The following RBM33 variants were observed in gnomAD, a reference collection of about 807,000 sequenced individuals.
RBM33 encodes the protein RNA binding motif protein 33, also known as RNA-binding protein 33.
Under a neutral mutation model 132.6 loss-of-function variants are expected in RBM33, and 28 were observed. That is an observed-to-expected ratio of 0.21 (90% CI 0.16 to 0.29). RBM33 has a LOEUF of 0.29. Ranked by LOEUF, RBM33 falls within the 10% of genes least tolerant of loss-of-function variation. The pLI is 1.00. For synonymous variants in RBM33, 634 were observed against 593.0 expected, an observed-to-expected ratio of 1.07 and a Z score of -1.01; for missense variants, 1,291 against 1,518.5, an observed-to-expected ratio of 0.85 and a Z score of 2.49.
chr7:155,731,767 A>G (rs1181080231), intron 9 of RBM33, among the ~76,000 whole-genome samples: 1 of 152,238 alleles, frequency 6.6e-6, no homozygotes, highest in Admixed American at 6.5e-5. Context: ...GAAACTGTGG[A>G]TAAGTGAGGA....
intron 5 of RBM33, among the ~76,000 whole-genome samples, chr7:155,692,394 C>T (rs1312331866): frequency 1.3e-5 from 2 of 152,120 alleles, no homozygotes; most frequent in Admixed American, 6.5e-5. Context: ...TCCTTTGTTC[C>T]GGAATATCTT....
intron 5 of RBM33, among the ~76,000 whole-genome samples, chr7:155,694,618 T>C (rs954132745): frequency 5.9e-5 from 9 of 152,222 alleles, no homozygotes; most frequent in African/African-American, 2.2e-4. Flanking sequence ...TAAAGCGTTC[T>C]TATTTCTATA....
chr7:155,667,159 T>C lies in RBM33; in HGVS notation c.122+1906T>C, dbSNP rs75214943. On this transcript the variant is annotated intron_variant, in intron 2 of 17. Coordinates refer to ENST00000401878, the MANE Select transcript of RBM33 (RefSeq NM_053043.3). Reference sequence around the variant, plus strand: ...CCGAATGCTTCAGTATTGTTTAGCATGTATTTCCCGCAAAACAGGAACTTT... The same window carrying C: ...CCGAATGCTTCAGTATTGTTTAGCACGTATTTCCCGCAAAACAGGAACTTT... Among the ~76,000 whole-genome samples the C allele has an allele frequency of 6.5e-3, 993 of 152,312 alleles. 33 individuals are homozygous for C. In the East Asian group the frequency reaches 0.097, roughly 15 times the overall value.
At chr7:155,694,120 T>C (rs747419561) in intron 5 of RBM33, among the ~76,000 whole-genome samples, 3 of 152,206 alleles carry the variant, frequency 2.0e-5, no homozygotes, top group Non-Finnish European at 2.9e-5. Context: ...AGGAGCTCTG[T>C]TAAGGTCTAT....
intron 9 of RBM33, among the ~76,000 whole-genome samples, chr7:155,737,195 G>C (rs1401326788): frequency 6.6e-6 from 1 of 152,182 alleles, no homozygotes; most frequent in Non-Finnish European, 1.5e-5. Flanking sequence ...GGAGCTACTA[G>C]TGTGTACTAT....
chr7:155,731,139 G>A (rs1372448932), intron 9 of RBM33, among the ~76,000 whole-genome samples: 1 of 152,156 alleles, frequency 6.6e-6, no homozygotes, highest in Non-Finnish European at 1.5e-5. Context: ...GTGGAGTGGA[G>A]GCCAGTCTAC....
Position 155,700,898 on chromosome 7 carries a change from G to A in RBM33, c.693G>A (p.Arg231=). The change falls in exon 6 of 18, where the codon AGG becomes AGA. Residue 231 remains arginine, a synonymous_variant. Coordinates refer to ENST00000401878, the MANE Select transcript of RBM33 (RefSeq NM_053043.3). ...KTERKEGTII[R]LSDVTRERRN... is the part of the protein sequence containing the mutation. ...AAAGGAAAGAAGGAACAATTATTAGGCTCTCAGATGTAACTAGAGAGAGAA... is the reference window on the plus strand; with the variant it reads ...AAAGGAAAGAAGGAACAATTATTAGACTCTCAGATGTAACTAGAGAGAGAA... The A allele has an allele frequency of 3.1e-6, 5 of 1,613,010 alleles. No homozygotes were observed. The highest frequency in any genetic ancestry group is 4.2e-6 in the Non-Finnish European group (5 of 1,179,472).
chr7:155,742,741 A>G (rs1801390859), intron 13 of RBM33, among the ~76,000 whole-genome samples: 1 of 152,246 alleles, frequency 6.6e-6, no homozygotes, highest in Non-Finnish European at 1.5e-5. Flanking sequence ...CAGTAGGCAC[A>G]GAATGTAGTG....
chr7:155,652,617 G>C (rs1265811100), intron 1 of RBM33, among the ~76,000 whole-genome samples: 2 of 152,188 alleles, frequency 1.3e-5, no homozygotes, highest in Admixed American at 1.3e-4. Context: ...TAGAAATCTA[G>C]TAGATATCTT....
chr7:155,689,229 A>G (rs1056787938), intron 5 of RBM33, among the ~76,000 whole-genome samples: 2 of 152,096 alleles, frequency 1.3e-5, no homozygotes, highest in African/African-American at 4.8e-5. Flanking sequence ...GAATTTATCC[A>G]TTTCTTCTAG....
At position 155,649,148 on chromosome 7, in the gene RBM33, A is replaced by G. The variant is rs185551075; in HGVS notation, c.43+4229A>G. Reference sequence around the variant, plus strand: ...AATGCATAGATTGGTACTTTTAATGATGTCCCCGTTTTTTAAGGCTCTGCT... The same window carrying G: ...AATGCATAGATTGGTACTTTTAATGGTGTCCCCGTTTTTTAAGGCTCTGCT... On this transcript the variant is annotated intron_variant, in intron 1 of 17. Transcript: ENST00000401878. Among the ~76,000 whole-genome samples, 500 of 152,100 alleles carry G rather than the reference A, an allele frequency of 3.3e-3. 1 individual carries two copies. The highest frequency in any genetic ancestry group is 5.0e-3 in the Non-Finnish European group (337 of 67,982).
chr7:155,693,110 A>G (rs1011496765), intron 5 of RBM33, among the ~76,000 whole-genome samples: 3 of 152,338 alleles, frequency 2.0e-5, no homozygotes, highest in East Asian at 1.9e-4. Flanking sequence ...GTAGTTACAG[A>G]TGGAAATGGT....
intron 3 of RBM33, among the ~76,000 whole-genome samples, chr7:155,675,015 C>G (rs1799137544): frequency 6.6e-6 from 1 of 152,058 alleles, no homozygotes; most frequent in African/African-American, 2.4e-5. Flanking sequence ...TTAAATATGA[C>G]CAAAATATAG....
At chr7:155,707,599 G>A (rs1448623803) in intron 7 of RBM33, among the ~76,000 whole-genome samples, 4 of 151,930 alleles carry the variant, frequency 2.6e-5, no homozygotes, top group African/African-American at 4.8e-5. Flanking sequence ...TTAGAATTTC[G>A]TTTGTATTTC....
chr7:155,649,609 C>T (rs1462864877), intron 1 of RBM33, among the ~76,000 whole-genome samples: 2 of 152,052 alleles, frequency 1.3e-5, no homozygotes, highest in Non-Finnish European at 2.9e-5. Context: ...CAGAATGTCC[C>T]CCCCCTTTTC....
At chr7:155,709,046 G>A (rs868578350) in intron 7 of RBM33, among the ~76,000 whole-genome samples, 11 of 151,922 alleles carry the variant, frequency 7.2e-5, no homozygotes, top group Middle Eastern at 3.4e-3. Context: ...GCATCACACG[G>A]TCTCTTTGTC....
intron 9 of RBM33, among the ~76,000 whole-genome samples, chr7:155,723,391 G>A (rs542531707): frequency 2.0e-5 from 3 of 152,176 alleles, no homozygotes; most frequent in African/African-American, 4.8e-5. Flanking sequence ...AGTAGCAGGC[G>A]AATATAGTAG....
chr7:155,732,036 C>T (rs1174252445), intron 9 of RBM33, among the ~76,000 whole-genome samples: 1 of 152,192 alleles, frequency 6.6e-6, no homozygotes, highest in African/African-American at 2.4e-5. Context: ...AGGCCAGCTA[C>T]AGAAGCAGCC....
At chr7:155,653,011 C>T (rs1023587238) in intron 1 of RBM33, among the ~76,000 whole-genome samples, 2 of 152,158 alleles carry the variant, frequency 1.3e-5, no homozygotes, top group Non-Finnish European at 2.9e-5. Context: ...CAAGATTCAT[C>T]AGTGTCGTAG....
Sources: allele counts gnomAD v4.1 joint callset (sites outside exome capture counted in the v4.1 genomes callset), GRCh38; gene constraint gnomAD v4.1.1; transcripts MANE v1.5; gene names NCBI Gene and HGNC (gene_info 2026-07-23, HGNC 2026-07-21).